Variants in PRKCZ observed in about 807,000 individuals in gnomAD.
PRKCZ encodes the protein protein kinase C zeta, also known as protein kinase C zeta type.
A neutral mutation model predicts 79.5 loss-of-function variants in PRKCZ; 33 were observed. That is an observed-to-expected ratio of 0.41 (90% confidence interval 0.31 to 0.55). PRKCZ has a LOEUF of 0.55. Ranked by LOEUF, PRKCZ falls within the 20% of genes least tolerant of loss-of-function variation. The pLI, the probability that PRKCZ is intolerant of heterozygous loss-of-function variation, is 0.19. For missense variants in PRKCZ, 578 were observed against 813.5 expected, an observed-to-expected ratio of 0.71 and a Z score of 3.52; for synonymous variants, 342 against 320.9, an observed-to-expected ratio of 1.07 and a Z score of -0.70.
chr1:2,156,830 A>G (rs1386338149), intron 10 of PRKCZ: 1 of 152,390 alleles, frequency 6.6e-6, no homozygotes, highest in Non-Finnish European at 1.5e-5. Flanking sequence ...CAGGCTGCAC[A>G]CGAACCAAAA....
chr1:2,165,883 T>C lies in PRKCZ; in HGVS notation c.975-3635T>C, dbSNP rs1571945623. Reference sequence around the variant, plus strand: ...AGGACAGGGCCCACCTCCTAGGAGGTTTTGTGAGCTTCCCTCAGCCCCCGG... The same window carrying C: ...AGGACAGGGCCCACCTCCTAGGAGGCTTTGTGAGCTTCCCTCAGCCCCCGG... On this transcript the variant is annotated intron_variant, in intron 10 of 17. Coordinates refer to ENST00000378567, the MANE Select transcript of PRKCZ (RefSeq NM_002744.6). The surrounding 1 kb of genome is among the most constrained non-coding windows in gnomAD (Gnocchi z 4.1). 6.6e-6 allele frequency among the ~76,000 whole-genome samples: 1 copy of C among 151,788 alleles called. No homozygotes were observed. The highest frequency in any genetic ancestry group is 2.4e-5 in the African/African-American group (1 of 41,318).
Position 2,172,247 on chromosome 1 carries a change from G to A in PRKCZ, c.1198-54G>A, listed in dbSNP as rs113251764. Reference sequence around the variant, plus strand: ...CCCGCATGTGCGTCTCGGGGCGCCTGTCCCGCGGGGTAGTGTCTACAAGAA... The same window carrying A: ...CCCGCATGTGCGTCTCGGGGCGCCTATCCCGCGGGGTAGTGTCTACAAGAA... On this transcript the variant is annotated intron_variant, in intron 12 of 17. Transcript: ENST00000378567. The surrounding 1 kb of genome is among the most constrained non-coding windows in gnomAD (Gnocchi z 7.8). The A allele has an allele frequency of 9.3e-6, 15 of 1,613,394 alleles. No homozygotes were observed. Among genetic ancestry groups the A allele is most frequent in the Middle Eastern group, 1.6e-4 (1 of 6,062 alleles).
chr1:2,062,857 C>G (rs1660815060), intron 4 of PRKCZ, among the ~76,000 whole-genome samples: 1 of 152,114 alleles, frequency 6.6e-6, no homozygotes, highest in South Asian at 2.1e-4. Context: ...GTCCAGTCAT[C>G]ATCACCGCCC....
chr1:2,117,079 A>G (rs2102782212), intron 4 of PRKCZ, among the ~76,000 whole-genome samples: 1 of 152,024 alleles, frequency 6.6e-6, no homozygotes, highest in South Asian at 2.1e-4. Flanking sequence ...CCTCCCAAGT[A>G]GCTGGGACTA....
chr1:2,069,122 C>T (rs780070543), intron 4 of PRKCZ, among the ~76,000 whole-genome samples: 9 of 152,202 alleles, frequency 5.9e-5, no homozygotes, highest in Middle Eastern at 3.2e-3. Flanking sequence ...CCTTAGTGTT[C>T]CAGCAACACC....
chr1:2,091,350 A>G (rs1275522593), intron 4 of PRKCZ, among the ~76,000 whole-genome samples: 1 of 152,166 alleles, frequency 6.6e-6, no homozygotes, highest in African/African-American at 2.4e-5. Flanking sequence ...TTGTTTTTTA[A>G]TTGTGGTAAA....
chr1:2,102,536 G>T (rs1322612354), intron 4 of PRKCZ, among the ~76,000 whole-genome samples: 5 of 151,890 alleles, frequency 3.3e-5, no homozygotes, highest in Non-Finnish European at 7.4e-5. Context: ...GTTTCACTGT[G>T]TTAGCCGGGA....
chr1:2,113,321 T>C (rs1571485117), intron 4 of PRKCZ, among the ~76,000 whole-genome samples: 2 of 152,246 alleles, frequency 1.3e-5, no homozygotes, highest in South Asian at 4.1e-4. Flanking sequence ...TGACGTTCTC[T>C]TCGGTGGGCT....
chr1:2,049,899 T>G (rs1424905027), upstream of PRKCZ: 1 of 152,288 alleles, frequency 6.6e-6, no homozygotes, highest in Non-Finnish European at 1.5e-5. Flanking sequence ...ACAGGGGACC[T>G]TGGATTCGCT....
At chr1:2,055,799 A>C in intron 2 of PRKCZ, 1 of 509,220 alleles carries the variant, frequency 2.0e-6, no homozygotes, top group East Asian at 3.5e-5. Context: ...AACTGCCTGC[A>C]GGGGGTCTCC....
chr1:2,168,497 G>A lies in PRKCZ; in HGVS notation c.975-1021G>A, dbSNP rs934583978. On this transcript the variant is annotated intron_variant, in intron 10 of 17. Transcript: ENST00000378567. The surrounding 1 kb of genome is among the most constrained non-coding windows in gnomAD (Gnocchi z 4.7). ...CTCACTTGGGGCCCAGGGCTCTTTC[G>A]ATTTTTAGGAGTTTGTTTCCAATCA... is the stretch of plus-strand genomic sequence containing the variant. Among the ~76,000 whole-genome samples the A allele has an allele frequency of 6.6e-6, 1 of 152,178 alleles. No individual in the cohort carries two copies. Among genetic ancestry groups the A allele is most frequent in the Non-Finnish European group, 1.5e-5 (1 of 68,034 alleles).
At chr1:2,167,887 C>T (rs1426588199) in intron 10 of PRKCZ, among the ~76,000 whole-genome samples, 1 of 57,952 alleles carries the variant, frequency 1.7e-5, no homozygotes, top group Non-Finnish European at 3.9e-5. Context: ...TTACAGGCCT[C>T]GTGAGCCACC....
At chr1:2,110,189 C>A (rs12059713) in intron 4 of PRKCZ, among the ~76,000 whole-genome samples, 5 of 100,768 alleles carry the variant, frequency 5.0e-5, no homozygotes, top group East Asian at 2.7e-4. Context: ...AGAGGTGAGA[C>A]ACAGAACGGC....
chr1:2,113,054 G>A (rs1670071378), intron 4 of PRKCZ, among the ~76,000 whole-genome samples: 1 of 152,200 alleles, frequency 6.6e-6, no homozygotes, highest in African/African-American at 2.4e-5. Context: ...GCTTGGCTAG[G>A]GCCTGCCCAC....
chr1:2,144,370 G>A (rs1322715519), intron 6 of PRKCZ, 29 bp downstream of exon 6: 1 of 1,553,122 alleles, frequency 6.4e-7, no homozygotes, highest in Non-Finnish European at 8.7e-7. Context: ...GAGGCCCGGG[G>A]GGCACGGGCG....
chr1:2,117,430 C>T (rs1351128136), intron 4 of PRKCZ, among the ~76,000 whole-genome samples: 1 of 150,838 alleles, frequency 6.6e-6, no homozygotes, highest in African/African-American at 2.4e-5. Context: ...ACTCATTTGT[C>T]TTGGCCTCTC....
At chr1:2,181,602 G>A (rs1474781370) in intron 16 of PRKCZ, among the ~76,000 whole-genome samples, 1 of 152,202 alleles carries the variant, frequency 6.6e-6, no homozygotes, top group African/African-American at 2.4e-5. Context: ...TTTTGAGCAA[G>A]AGGAGGAGGT....
At position 2,127,081 on chromosome 1, in the gene PRKCZ, G is replaced by A. The variant is rs557170619; in HGVS notation, c.335-8181G>A. On this transcript the variant is annotated intron_variant, in intron 4 of 17. Transcript: ENST00000378567. The surrounding 1 kb of genome is among the most constrained non-coding windows in gnomAD (Gnocchi z 5.1). ...TCTGTCTCTCGAGCTCTTCTGTGCC[G>A]TGTGGTTGCACTAAGCAGCTGTGGG... Among the ~76,000 whole-genome samples, 13 of 152,308 alleles carry A rather than the reference G, an allele frequency of 8.5e-5. No individual in the cohort carries two copies. Among genetic ancestry groups the A allele is most frequent in the East Asian group, 7.7e-4 (4 of 5,168 alleles).
chr1:2,077,693 A>T (rs1662699001), intron 4 of PRKCZ, among the ~76,000 whole-genome samples: 1 of 152,140 alleles, frequency 6.6e-6, no homozygotes, highest in Non-Finnish European at 1.5e-5. Context: ...CCCCAGCTCC[A>T]CTCCCTGGAG....
Sources: gnomAD v4.1 joint callset for allele counts (sites outside exome capture counted in the v4.1 genomes callset) on GRCh38, gnomAD v4.1.1 for gene constraint, Gnocchi (gnomAD v3.1) non-coding constraint, MANE v1.5 for transcripts, NCBI Gene and HGNC (gene_info 2026-07-23, HGNC 2026-07-21) for gene names.